The following PHKA1 variants were observed in gnomAD, a reference collection of about 807,000 sequenced individuals.
The protein encoded by PHKA1 is phosphorylase kinase regulatory subunit alpha 1.
PHKA1 carries 60 observed loss-of-function variants against 110.2 expected under a neutral mutation model. That is an observed-to-expected ratio of 0.54 (90% confidence interval 0.44 to 0.68). The LOEUF is 0.68. Among genes scored for constraint, PHKA1 ranks in the 30% least tolerant of loss-of-function variants. PHKA1 has a pLI of 0.00. For missense variants in PHKA1, 801 were observed against 942.5 expected, an observed-to-expected ratio of 0.85 and a Z score of 1.97; for synonymous variants, 316 against 333.6, an observed-to-expected ratio of 0.95 and a Z score of 0.58.
At chrX:72,628,986 T>C (rs1449680732) in intron 16 of PHKA1, among the ~76,000 whole-genome samples, 2 of 111,914 alleles carry the variant, frequency 1.8e-5, no homozygotes, top group East Asian at 5.6e-4. Flanking sequence ...CAAGCCTAAA[T>C]GAATTATTTT....
chrX:72,610,962 T>A (rs782271265), intron 22 of PHKA1, 66 bp downstream of exon 22: 3 of 914,474 alleles, frequency 3.3e-6, no homozygotes, highest in Non-Finnish European at 4.7e-6. Context: ...AAAAAACAAT[T>A]ATAGAAACCA....
At chrX:72,689,317 C>A (rs1419943447) in intron 4 of PHKA1, among the ~76,000 whole-genome samples, 4 of 111,931 alleles carry the variant, frequency 3.6e-5, no homozygotes, top group Non-Finnish European at 7.5e-5. Context: ...AGCAGTCACT[C>A]CCCACTTCCC....
intron 6 of PHKA1, among the ~76,000 whole-genome samples, chrX:72,668,207 G>A (rs781853177): frequency 8.9e-6 from 1 of 112,011 alleles, no homozygotes; most frequent in African/African-American, 3.2e-5. Context: ...CGGGGATTAT[G>A]TCTTCACTAA....
intron 3 of PHKA1, chrX:72,697,178 C>A (rs1390340936): frequency 1.8e-5 from 2 of 110,996 alleles, no homozygotes; most frequent in Non-Finnish European, 3.8e-5. Context: ...GAGCAGTCTA[C>A]AGCCTGAGAC....
intron 4 of PHKA1, chrX:72,689,145 G>A (rs1377421282): frequency 8.9e-6 from 1 of 112,285 alleles, no homozygotes; most frequent in African/African-American, 3.2e-5. Context: ...ATAACATTAA[G>A]CCTCTTTCTC....
At chrX:72,681,676 G>A (rs1556315500) in intron 5 of PHKA1, among the ~76,000 whole-genome samples, 1 of 87,744 alleles carries the variant, frequency 1.1e-5, no homozygotes, top group South Asian at 6.5e-4. Context: ...GAGATGGGGG[G>A]GTCAGCCCCC....
At chrX:72,635,109 A>T in intron 16 of PHKA1, 46 bp downstream of exon 16, 2 of 1,197,857 alleles carry the variant, frequency 1.7e-6, no homozygotes, top group Admixed American at 4.4e-5. Context: ...TAAATCTATG[A>T]CTTATTTCCA....
At chrX:72,660,514 T>C (rs371478144) in intron 8 of PHKA1, 4 of 394,099 alleles carry the variant, frequency 1.0e-5, no homozygotes, top group African/African-American at 5.3e-5. Flanking sequence ...CAATCCCAGA[T>C]GAGTATAGAA....
chrX:72,596,473 A>C (rs1333171425), intron 28 of PHKA1, among the ~76,000 whole-genome samples: 2 of 111,895 alleles, frequency 1.8e-5, no homozygotes, highest in Non-Finnish European at 3.8e-5. Flanking sequence ...TAAAAAAATT[A>C]GTTGTATTTG....
Position 72,580,777 on chromosome X carries a change from T to A in PHKA1, c.*225A>T. 3 of 442,506 alleles carry A rather than the reference T, an allele frequency of 6.8e-6. No individual in the cohort carries two copies. The highest frequency in any genetic ancestry group is 1.2e-5 in the Non-Finnish European group (3 of 252,551). 36.5% of individuals were successfully genotyped at this position (442,506 alleles called of 1,213,427 possible). On this transcript the variant is annotated 3_prime_UTR_variant, in exon 32 of 32. Transcript: ENST00000373542. ...CATGACAGGCCTGGCTGAGTGTTCA[T>A]TATACTCATAAGATTGTCACTGGTT...
chrX:72,667,551 T>C (rs886903911), intron 6 of PHKA1, 78 bp from the exon 7 acceptor site: 19 of 695,118 alleles, frequency 2.7e-5, no homozygotes, highest in Non-Finnish European at 4.3e-5. Context: ...CCCAGTATCT[T>C]ATCAACACAC....
At chrX:72,679,218 G>A (rs2053814395) in intron 5 of PHKA1, among the ~76,000 whole-genome samples, 1 of 111,592 alleles carries the variant, frequency 9.0e-6, no homozygotes, top group African/African-American at 3.3e-5. Context: ...GTATTCAGAA[G>A]TGTCTTACCT....
intron 16 of PHKA1, among the ~76,000 whole-genome samples, chrX:72,627,962 C>T (rs925949623): frequency 2.8e-5 from 3 of 108,761 alleles, no homozygotes; most frequent in African/African-American, 6.7e-5. Context: ...GGACTACAGG[C>T]GCCCGCCACC....
intron 14 of PHKA1, among the ~76,000 whole-genome samples, chrX:72,642,387 T>C (rs2053307786): frequency 9.0e-6 from 1 of 111,442 alleles, no homozygotes; most frequent in Admixed American, 9.5e-5. Flanking sequence ...GAGAATCAGG[T>C]CAAAATCACC....
chrX:72,669,942 T>C (rs1556308195), intron 6 of PHKA1, among the ~76,000 whole-genome samples: 1 of 110,970 alleles, frequency 9.0e-6, no homozygotes, highest in Non-Finnish European at 1.9e-5. Context: ...TCTAGATCCC[T>C]GAGGAATCGC....
intron 4 of PHKA1, 58 bp downstream of exon 4, chrX:72,695,650 A>C: frequency 1.8e-6 from 2 of 1,119,511 alleles, no homozygotes; most frequent in Non-Finnish European, 2.5e-6. Context: ...AAAGAATATT[A>C]ATTAGTACCC....
chrX:72,677,112 T>C (rs1556312182), intron 5 of PHKA1, among the ~76,000 whole-genome samples: 2 of 112,325 alleles, frequency 1.8e-5, no homozygotes, highest in African/African-American at 6.5e-5. Context: ...TTGACACTCT[T>C]TGAAGATTAG....
chrX:72,615,998 T>C (rs1274089819), intron 21 of PHKA1, among the ~76,000 whole-genome samples: 1 of 111,698 alleles, frequency 9.0e-6, no homozygotes, highest in Non-Finnish European at 1.9e-5. Context: ...GGACTAAAAG[T>C]GAGCGGATGG....
intron 3 of PHKA1, among the ~76,000 whole-genome samples, chrX:72,704,858 C>T (rs782736979): frequency 2.7e-5 from 3 of 111,919 alleles, no homozygotes; most frequent in Non-Finnish European, 3.8e-5. Context: ...CCCAGAATGC[C>T]GGGATTACAG....
Sources: gnomAD v4.1 joint callset for allele counts (sites outside exome capture counted in the v4.1 genomes callset) on GRCh38, gnomAD v4.1.1 for gene constraint, MANE v1.5 for transcripts, NCBI Gene and HGNC (gene_info 2026-07-23, HGNC 2026-07-21) for gene names.